The following TRIP4 variants were observed in gnomAD, a reference collection of about 807,000 sequenced individuals.
TRIP4 encodes the protein activating signal cointegrator 1.
A neutral mutation model predicts 81.8 loss-of-function variants in TRIP4; 54 were observed. The observed-to-expected ratio is 0.66, with a 90% CI of 0.53 to 0.83. The LOEUF is 0.83. Ranked by LOEUF, TRIP4 falls within the 40% of genes least tolerant of loss-of-function variation. The pLI, the probability that TRIP4 is intolerant of heterozygous loss-of-function variation, is 0.00. For missense variants in TRIP4, 662 were observed against 683.6 expected (o/e 0.97, Z 0.35); for synonymous variants, 270 against 242.8 (o/e 1.11, Z -1.04).
chr15:64,391,363 G>A lies in TRIP4; in HGVS notation c.102-2583G>A, dbSNP rs1361524048. On this transcript the variant is annotated intron_variant, in intron 1 of 12. Transcript: ENST00000261884. ...GTGGAGATGGGATTCCACCAGGTTG[G>A]CCAGGATGGTCTCGGTCTCCTGACC... Among the ~76,000 whole-genome samples the A allele has an allele frequency of 5.3e-5, 8 of 151,730 alleles. No homozygotes were observed. In the East Asian group the frequency reaches 1.6e-3, roughly 30 times the overall value.
intron 12 of TRIP4, among the ~76,000 whole-genome samples, chr15:64,452,458 A>C (rs1477686566): frequency 3.5e-4 from 53 of 152,198 alleles, no homozygotes; most frequent in Admixed American, 3.5e-3. Flanking sequence ...AATTTAAAAC[A>C]CTTCTGGTCC....
At chr15:64,401,685 A>T (rs1287165534) in intron 5 of TRIP4, among the ~76,000 whole-genome samples, 1 of 152,218 alleles carries the variant, frequency 6.6e-6, no homozygotes, top group East Asian at 1.9e-4. Context: ...ATTAATATCC[A>T]TGTGACCATA....
chr15:64,453,054 C>T (rs1397349511), intron 12 of TRIP4, among the ~76,000 whole-genome samples: 1 of 152,092 alleles, frequency 6.6e-6, no homozygotes, highest in East Asian at 1.9e-4. Context: ...GGCGTGATGG[C>T]ACACACCTGT....
In TRIP4 at chr15:64,409,314, T is replaced by C. The variant is rs528062168; in HGVS notation, c.828-299T>C. On this transcript the variant is annotated intron_variant, in intron 6 of 12. Coordinates refer to ENST00000261884, the MANE Select transcript of TRIP4 (RefSeq NM_016213.5). ...GTTACAGAGGGACTAGGATATTTAG[T>C]AAGCTGTCAAACTTGAACTCAGATG... 2.4e-4 allele frequency among the ~76,000 whole-genome samples: 37 copies of C among 152,266 alleles called. No homozygotes were observed. In the South Asian group the frequency reaches 7.5e-3, roughly 31 times the overall value.
intron 9 of TRIP4, among the ~76,000 whole-genome samples, chr15:64,420,510 T>C (rs955138824): frequency 6.8e-6 from 1 of 147,310 alleles, no homozygotes; most frequent in South Asian, 2.1e-4. Context: ...TTACAACATA[T>C]GTCTTTTGCT....
chr15:64,395,553 C>G, intron 3 of TRIP4, 22 bp downstream of exon 3: 1 of 1,590,574 alleles, frequency 6.3e-7, no homozygotes. Context: ...TAGATTGAAG[C>G]TTTTTCTGAC....
intron 11 of TRIP4, among the ~76,000 whole-genome samples, chr15:64,431,847 A>ATATATTTTTTTTTTTTTTTTTTT: frequency 2.5e-5 from 3 of 119,558 alleles, no homozygotes; most frequent in African/African-American, 9.8e-5. Flanking sequence ...ATATATATAT[A>ATATATTTTTTTTTTTTTTTTTTT]TTTTTTTTAT....
chr15:64,431,847 A>ATATTTTTTTTTTTTTTTTTT, intron 11 of TRIP4, among the ~76,000 whole-genome samples: 83 of 119,504 alleles, frequency 6.9e-4, no homozygotes, highest in African/African-American at 2.7e-3. Flanking sequence ...ATATATATAT[A>ATATTTTTTTTTTTTTTTTTT]TTTTTTTTAT....
At chr15:64,442,730 G>C (rs538742297) in intron 11 of TRIP4, among the ~76,000 whole-genome samples, 1 of 152,048 alleles carries the variant, frequency 6.6e-6, no homozygotes, top group South Asian at 2.1e-4. Flanking sequence ...GCTCACGCCT[G>C]TAATCCCAGC....
At chr15:64,445,130 T>G (rs1434520308) in intron 12 of TRIP4, 22 bp downstream of exon 12, 4 of 1,375,322 alleles carry the variant, frequency 2.9e-6, no homozygotes, top group South Asian at 2.4e-5. Context: ...TTTTTTTTCT[T>G]TAAGACTAGT....
intron 11 of TRIP4, among the ~76,000 whole-genome samples, chr15:64,441,390 C>T (rs983020615): frequency 1.3e-5 from 2 of 152,084 alleles, no homozygotes; most frequent in East Asian, 1.9e-4. Context: ...AACAAAAATC[C>T]CCGTCCTCAT....
At chr15:64,392,827 C>T (rs1218479953) in intron 1 of TRIP4, among the ~76,000 whole-genome samples, 3 of 152,092 alleles carry the variant, frequency 2.0e-5, no homozygotes, top group African/African-American at 7.2e-5. Context: ...GTTGCCCAGG[C>T]TGGTCTCAAA....
chr15:64,441,042 G>A (rs746772145), intron 11 of TRIP4, among the ~76,000 whole-genome samples: 30 of 151,786 alleles, frequency 2.0e-4, no homozygotes, highest in Middle Eastern at 6.8e-3. Flanking sequence ...ACCCAGTCTG[G>A]ATGGAGTGCA....
At chr15:64,408,373 C>T (rs891099529) in intron 6 of TRIP4, among the ~76,000 whole-genome samples, 56 of 150,812 alleles carry the variant, frequency 3.7e-4, no homozygotes, top group Non-Finnish European at 6.5e-4. Flanking sequence ...ATTCTCCCGC[C>T]TCAGCCTCCT....
intron 11 of TRIP4, among the ~76,000 whole-genome samples, chr15:64,437,498 G>T (rs1363436158): frequency 7.0e-6 from 1 of 143,066 alleles, no homozygotes; most frequent in Non-Finnish European, 1.5e-5. Flanking sequence ...GTGTTACTTT[G>T]TTTTTTTTTT....
intron 7 of TRIP4, among the ~76,000 whole-genome samples, chr15:64,411,882 C>T (rs949639995): frequency 2.0e-5 from 3 of 152,010 alleles, no homozygotes; most frequent in Middle Eastern, 3.4e-3. Flanking sequence ...AGGGTTTCAC[C>T]GTGTTAGCCA....
chr15:64,409,684 A>G lies in TRIP4; in HGVS notation c.899A>G (p.Lys300Arg), dbSNP rs367814990. 23 of 1,614,084 alleles carry G rather than the reference A, an allele frequency of 1.4e-5. No individual in the cohort carries two copies. Among genetic ancestry groups the G allele is most frequent in the African/African-American group, 5.3e-5 (4 of 74,940 alleles). Residue 300 changes from lysine (K) to arginine (R), a missense_variant, in exon 7 of 13, where the codon AAA (lysine) becomes AGA (arginine). Transcript: ENST00000261884. ...AGTGATTCTAACCAATGGTTGTCCA[A>G]ACTTGAGCGGGAAACCTTGCAGAAG... ...FASDSNQWLSKLERETLQKRE... is the reference protein window; with the variant it reads ...FASDSNQWLSRLERETLQKRE...
intron 1 of TRIP4, among the ~76,000 whole-genome samples, chr15:64,388,870 A>G (rs1173054350): frequency 2.6e-5 from 4 of 152,174 alleles, no homozygotes; most frequent in African/African-American, 9.7e-5. Context: ...TATGACTCCT[A>G]TGAAATGGAG....
Position 64,409,555 on chromosome 15 carries a change from T to A in TRIP4, c.828-58T>A, listed in dbSNP as rs1891713400. The A allele has an allele frequency of 4.6e-6, 7 of 1,517,620 alleles. No individual in the cohort carries two copies. In the Admixed American group the frequency reaches 8.6e-5, roughly 19 times the overall value. The allele number at this position is 1,517,620 out of a possible 1,614,324, so 94.0% of individuals were successfully genotyped here. On this transcript the variant is annotated intron_variant, in intron 6 of 12. Transcript: ENST00000261884. ...AAGTTACCTTGAAACTGTTTTCCAA[T>A]AATCGGTCCTTATTTGTCAACAGAT...
Sources: allele counts gnomAD v4.1 joint callset (sites outside exome capture counted in the v4.1 genomes callset), GRCh38; gene constraint gnomAD v4.1.1; transcripts MANE v1.5; gene names NCBI Gene and HGNC (gene_info 2026-07-23, HGNC 2026-07-21).